FOXP2: variants seen among roughly 807,000 people sequenced by gnomAD.
FOXP2 encodes forkhead box P2.
In FOXP2, 12 loss-of-function variants were observed where a neutral mutation model predicts 115.8. The ratio of observed to expected loss-of-function variants is 0.10; its 90% CI spans 0.07 to 0.17. The LOEUF (loss-of-function observed/expected upper bound fraction) is 0.17. FOXP2 is among the 10% of genes least tolerant of loss of function. The probability of loss-of-function intolerance (pLI) is 1.00; values close to 1 mark genes in which losing one functional copy is unlikely to be tolerated. For missense variants in FOXP2, 629 were observed against 843.5 expected (o/e 0.75, Z 3.15); for synonymous variants, 328 against 297.7 (o/e 1.10, Z -1.05).
intron 16 of FOXP2, among the ~76,000 whole-genome samples, chr7:114,675,042 T>C (rs541665730): frequency 9.2e-5 from 14 of 152,112 alleles, no homozygotes; most frequent in Non-Finnish European, 1.8e-4. Flanking sequence ...AACTAAAACA[T>C]TGCCCAAGTG....
intron 2 of FOXP2, among the ~76,000 whole-genome samples, chr7:114,387,609 A>G (rs1314783611): frequency 6.6e-6 from 1 of 152,196 alleles, no homozygotes; most frequent in African/African-American, 2.4e-5. Flanking sequence ...AGATGTGAAT[A>G]TGCAAGAAAA....
intron 2 of FOXP2, among the ~76,000 whole-genome samples, chr7:114,378,583 C>A (rs1455205104): frequency 6.8e-6 from 1 of 146,884 alleles, no homozygotes; most frequent in Non-Finnish European, 1.5e-5. Flanking sequence ...ACTAGGGAGG[C>A]TGAGGCAGGA....
chr7:114,566,715 A>C (rs560917818), intron 3 of FOXP2, among the ~76,000 whole-genome samples: 1 of 152,190 alleles, frequency 6.6e-6, no homozygotes, highest in East Asian at 1.9e-4. Context: ...GACAACCACT[A>C]TTCCATTCAG....
chr7:114,536,806 C>T (rs947932011), intron 3 of FOXP2, among the ~76,000 whole-genome samples: 1 of 151,218 alleles, frequency 6.6e-6, no homozygotes, highest in African/African-American at 2.4e-5. Flanking sequence ...GTCATAGGAA[C>T]GAGAAGTTGA....
chr7:114,326,281 A>T (rs1477047393), intron 2 of FOXP2, among the ~76,000 whole-genome samples: 15 of 152,126 alleles, frequency 9.9e-5, no homozygotes, highest in Non-Finnish European at 2.1e-4. Context: ...CAGAAATCTT[A>T]CCTGGCTTAG....
At chr7:114,403,127 A>C (rs1038031717) in intron 2 of FOXP2, among the ~76,000 whole-genome samples, 5 of 152,212 alleles carry the variant, frequency 3.3e-5, no homozygotes, top group Non-Finnish European at 7.3e-5. Flanking sequence ...ATTATGTAAC[A>C]GCCCCTTCAT....
chr7:114,644,550 A>C (rs1805763298), intron 7 of FOXP2, 135 bp from the exon 8 acceptor site: 1 of 720,430 alleles, frequency 1.4e-6, no homozygotes, highest in Non-Finnish European at 2.5e-6. Context: ...AGAACGATTA[A>C]ATTTTTCTGA....
At chr7:114,592,834 A>G (rs1299237180) in intron 3 of FOXP2, among the ~76,000 whole-genome samples, 1 of 151,986 alleles carries the variant, frequency 6.6e-6, no homozygotes, top group Non-Finnish European at 1.5e-5. Context: ...ATTTACCTCA[A>G]GTGGTTTCTT....
rs559857929 is a variant in FOXP2 at position 114,204,003 on chromosome 7, C to T, written c.-102+40915C>T. Among the ~76,000 whole-genome samples the T allele has an allele frequency of 5.3e-5, 8 of 152,060 alleles. No homozygotes were observed. The South Asian group carries it at 1.5e-3, about 28-fold the overall frequency. On this transcript the variant is annotated intron_variant, in intron 1 of 17. Coordinates refer to the FOXP2 transcript ENST00000634411. ...ATGTTTTTAAAAAAATCCACTTCCT[C>T]CCTTCCCTCAAATTTCATTTCCTAG...
At chr7:114,582,185 C>T (rs1461500239) in intron 3 of FOXP2, among the ~76,000 whole-genome samples, 5 of 152,084 alleles carry the variant, frequency 3.3e-5, no homozygotes, top group African/African-American at 1.2e-4. Flanking sequence ...ATTAAGGGCA[C>T]AGAGAGAGGT....
At position 114,322,510 on chromosome 7, in the gene FOXP2, A is replaced by G. The variant is rs1797450710; in HGVS notation, c.-11+34401A>G. ...ATAAATAAAACAAATACTTACATTT[A>G]ATTTTCCCCTGCCATATACAGATGC... On this transcript the variant is annotated intron_variant, in intron 2 of 17. Transcript: ENST00000634411. Among the ~76,000 whole-genome samples, 4 of 152,056 alleles carry G rather than the reference A, an allele frequency of 2.6e-5. No homozygotes were observed. In the South Asian group the frequency reaches 8.3e-4, roughly 31 times the overall value.
At chr7:114,343,615 A>G (rs1487270938) in intron 2 of FOXP2, among the ~76,000 whole-genome samples, 1 of 151,674 alleles carries the variant, frequency 6.6e-6, no homozygotes, top group Non-Finnish European at 1.5e-5. Context: ...ACCCTTAAGA[A>G]GATTGTTCTT....
At chr7:114,098,521 T>C (rs982181268) in intron 1 of FOXP2, among the ~76,000 whole-genome samples, 2 of 152,132 alleles carry the variant, frequency 1.3e-5, no homozygotes, top group Admixed American at 1.3e-4. Context: ...GATTTCTGCA[T>C]GCAAAAGAAT....
intron 2 of FOXP2, among the ~76,000 whole-genome samples, chr7:114,324,919 G>A (rs1479569247): frequency 6.6e-6 from 1 of 151,602 alleles, no homozygotes; most frequent in Non-Finnish European, 1.5e-5. Context: ...ATTTTTGTGG[G>A]CACATAGTAG....
intron 2 of FOXP2, among the ~76,000 whole-genome samples, chr7:114,328,680 A>G (rs1378641143): frequency 6.6e-6 from 1 of 152,240 alleles, no homozygotes; most frequent in African/African-American, 2.4e-5. Flanking sequence ...ATAAAAATAT[A>G]TAAGGGTCTC....
intron 1 of FOXP2, among the ~76,000 whole-genome samples, chr7:114,141,693 C>A (rs897573235): frequency 6.6e-6 from 1 of 152,098 alleles, no homozygotes; most frequent in African/African-American, 2.4e-5. Context: ...TTGTGTGTGG[C>A]GGCATGAATA....
In FOXP2 at chr7:114,105,191, T is replaced by C. The variant is rs1414572422; in HGVS notation, c.-247+17353T>C. Among the ~76,000 whole-genome samples the C allele has an allele frequency of 2.0e-5, 3 of 152,090 alleles. No homozygotes were observed. In the East Asian group the frequency reaches 5.8e-4, roughly 29 times the overall value. On this transcript the variant is annotated intron_variant, in intron 1 of 19. Coordinates refer to the FOXP2 transcript ENST00000635638. ...GCACATTTTAGTTTGTACCAGTTTT[T>C]GTGTAATTTTTTCTGTGACATTTCA...
At chr7:114,594,284 G>A (rs1304091200) in intron 3 of FOXP2, among the ~76,000 whole-genome samples, 8 of 151,984 alleles carry the variant, frequency 5.3e-5, no homozygotes, top group Admixed American at 5.3e-4. Flanking sequence ...TCAATGTCCT[G>A]TGGGGCTAAT....
intron 1 of FOXP2, among the ~76,000 whole-genome samples, chr7:114,144,097 C>T (rs368662441): frequency 2.6e-5 from 4 of 152,106 alleles, no homozygotes; most frequent in East Asian, 1.9e-4. Context: ...TGCCCATCTG[C>T]AGGCTAATGT....
Sources: allele counts gnomAD v4.1 joint callset (sites outside exome capture counted in the v4.1 genomes callset), GRCh38; gene constraint gnomAD v4.1.1; transcripts MANE v1.5; gene names NCBI Gene and HGNC (gene_info 2026-07-23, HGNC 2026-07-21).